ELFN2: variants seen among roughly 807,000 people sequenced by gnomAD.
ELFN2 encodes the protein protein phosphatase 1 regulatory subunit 29.
A neutral mutation model predicts 45.5 loss-of-function variants in ELFN2; 17 were observed. That is an observed-to-expected ratio of 0.37 (90% CI 0.26 to 0.56). The LOEUF is 0.56. Ranked by LOEUF, ELFN2 falls within the 20% of genes least tolerant of loss-of-function variation. The pLI is 0.77. For synonymous variants in ELFN2, 550 were observed against 551.5 expected, an observed-to-expected ratio of 1.00 and a Z score of 0.04; for missense variants, 922 against 1,183.2, an observed-to-expected ratio of 0.78 and a Z score of 3.24.
intron 2 of ELFN2, among the ~76,000 whole-genome samples, chr22:37,398,236 C>T (rs574222002): frequency 2.2e-4 from 33 of 152,200 alleles, no homozygotes; most frequent in Non-Finnish European, 4.4e-4. Context: ...ACATGGAGGG[C>T]CTCACTAAAC....
At chr22:37,363,330 G>A (rs1931130300), downstream of ELFN2, among the ~76,000 whole-genome samples, 1 of 152,204 alleles carries the variant, frequency 6.6e-6, no homozygotes, top group Admixed American at 6.5e-5. Flanking sequence ...AAAAGTAAGT[G>A]AGAAGAGAGA....
chr22:37,364,100 A>T (rs1931149327), downstream of ELFN2, among the ~76,000 whole-genome samples: 1 of 152,202 alleles, frequency 6.6e-6, no homozygotes, highest in African/African-American at 2.4e-5. Flanking sequence ...TGGATTCCCC[A>T]GCCCCACAGT....
chr22:37,405,300 C>T (rs1932472427), intron 2 of ELFN2, among the ~76,000 whole-genome samples: 1 of 152,014 alleles, frequency 6.6e-6, no homozygotes, highest in East Asian at 1.9e-4. Context: ...GCCATGTTGG[C>T]CAGGCTGGTT....
At chr22:37,389,282 G>T (rs905149359) in intron 2 of ELFN2, among the ~76,000 whole-genome samples, 2 of 152,006 alleles carry the variant, frequency 1.3e-5, no homozygotes, top group Non-Finnish European at 2.9e-5. Flanking sequence ...CCCCAGAATA[G>T]AGCTCACAAC....
At chr22:37,420,080 G>C (rs1331384354) in intron 1 of ELFN2, among the ~76,000 whole-genome samples, 6 of 152,174 alleles carry the variant, frequency 3.9e-5, no homozygotes, top group Non-Finnish European at 8.8e-5. Context: ...GGAGGCTGGC[G>C]GGGTGGGCCG....
intron 2 of ELFN2, among the ~76,000 whole-genome samples, chr22:37,409,945 C>T (rs571491796): frequency 2.0e-5 from 3 of 152,270 alleles, no homozygotes; most frequent in Admixed American, 2.0e-4. Context: ...CAGGCAGTGG[C>T]CCATTCCTTT....
In ELFN2 at chr22:37,373,729, A is replaced by T; in HGVS notation, c.1806T>A (p.Leu602=). 1 of 1,558,370 alleles carries T rather than the reference A, an allele frequency of 6.4e-7. No individual in the cohort carries two copies. The highest frequency in any genetic ancestry group is 8.6e-7 in the Non-Finnish European group (1 of 1,159,560). Residue 602 remains leucine, a synonymous_variant, in exon 3 of 3, where the codon CTT becomes CTA. Coordinates refer to ENST00000402918, the MANE Select transcript of ELFN2 (RefSeq NM_052906.5). ...GGGAGCTCTCCTTGTAGGGAGGCGA[A>T]AGGAAGCTGGGCCGCTCCAGGGCCC... ...GPGALERPSF[L]SPPYKESSHH... is the part of the protein sequence containing the mutation.
Position 37,374,799 on chromosome 22 carries a change from G to A in ELFN2, c.736C>T (p.Arg246Trp), listed in dbSNP as rs568588590. The A allele has an allele frequency of 5.2e-5, 84 of 1,607,334 alleles. No individual in the cohort carries two copies. Among genetic ancestry groups the A allele is most frequent in the South Asian group, 1.2e-4 (11 of 91,040 alleles). The change falls in exon 3 of 3, where the codon CGG (arginine) becomes TGG (tryptophan). Residue 246 changes from arginine to tryptophan, a missense_variant. Physicochemically the swap from Arg to Trp is moderately radical, Grantham distance 101 (BLOSUM62 -3). This residue lies in a region of ELFN2 where 358 missense variants were observed against 540.4 expected (regional missense o/e 0.66). Coordinates refer to ENST00000402918, the MANE Select transcript of ELFN2 (RefSeq NM_052906.5). ...NAITVLQAKC[R>W]NGSLPARPVS... ...GGCCGGGCGGGCAGCGAGCCATTCCGACACTTGGCCTGGAGTACGGTGATG... is the reference window on the plus strand; with the variant it reads ...GGCCGGGCGGGCAGCGAGCCATTCCAACACTTGGCCTGGAGTACGGTGATG...
rs912397601 is a variant in ELFN2, at chr22:37,374,657, G to A, written c.878C>T (p.Ala293Val). 43 of 1,612,774 alleles carry A rather than the reference G, an allele frequency of 2.7e-5. No individual in the cohort carries two copies. Among genetic ancestry groups the A allele is most frequent in the East Asian group, 6.7e-5 (3 of 44,858 alleles). Residue 293 changes from alanine to valine, a missense_variant, in exon 3 of 3, where the codon GCG becomes GTG. By Grantham distance (64) the Ala-to-Val change is moderately conservative. Coordinates refer to ENST00000402918, the MANE Select transcript of ELFN2 (RefSeq NM_052906.5). ...VEPPASSTTD[A>V]SAGPAIKLHH... The stretch of plus-strand genomic sequence containing the variant: ...CAGCTTGATGGCTGGCCCTGCCGAC[G>A]CATCCGTGGTGGACGAGGCCGGCGG...
At chr22:37,378,458 G>A in intron 2 of ELFN2, among the ~76,000 whole-genome samples, 1 of 152,236 alleles carries the variant, frequency 6.6e-6, no homozygotes, top group East Asian at 1.9e-4. Flanking sequence ...GCCAAAGGAT[G>A]CGAAGAGGCT....
chr22:37,394,450 G>T (rs1234216716), intron 2 of ELFN2, among the ~76,000 whole-genome samples: 1 of 152,152 alleles, frequency 6.6e-6, no homozygotes, highest in South Asian at 2.1e-4. Context: ...CCCCTCAGGG[G>T]CCTGGCCCGG....
At chr22:37,426,033 T>TC (rs1316692784) in intron 1 of ELFN2, among the ~76,000 whole-genome samples, 1 of 151,656 alleles carries the variant, frequency 6.6e-6, no homozygotes, top group East Asian at 1.9e-4. Context: ...GCTTTCTGAC[T>TC]CCGACAGCCT....
chr22:37,357,216 T>A (rs2069221), intron 1 of ELFN2, among the ~76,000 whole-genome samples: 6 of 152,010 alleles, frequency 3.9e-5, no homozygotes, highest in Non-Finnish European at 7.4e-5. Flanking sequence ...ACCTGTCAGC[T>A]GCCTTTTTAG....
chr22:37,410,914 C>A (rs1932633516), intron 2 of ELFN2, among the ~76,000 whole-genome samples: 2 of 152,180 alleles, frequency 1.3e-5, no homozygotes, highest in Non-Finnish European at 2.9e-5. Flanking sequence ...TGACCTAGCA[C>A]CCAGAACCGG....
chr22:37,402,772 G>C (rs905602696), intron 2 of ELFN2, among the ~76,000 whole-genome samples: 1 of 152,164 alleles, frequency 6.6e-6, no homozygotes, highest in Non-Finnish European at 1.5e-5. Context: ...CCAGGGGCTC[G>C]GTGGGTCCCA....
chr22:37,375,186 T>G lies in ELFN2; in HGVS notation c.349A>C (p.Asn117His). 2 of 1,614,096 alleles carry G rather than the reference T, an allele frequency of 1.2e-6. No individual in the cohort carries two copies. Among genetic ancestry groups the G allele is most frequent in the Admixed American group, 1.7e-5 (1 of 60,016 alleles). ...CCTCGCAGCATGCCCTCCGTCAGGT[T>G]GCTGAGCTTGTTGTAGCCCAGCTGC... ...VLQLGYNKLS[N>H]LTEGMLRGMS... The change falls in exon 3 of 3, where the codon AAC becomes CAC. Residue 117 changes from asparagine (N) to histidine (H), a missense_variant. By Grantham distance (68) the Asn-to-His change is moderately conservative. This residue lies in a region of ELFN2 where 358 missense variants were observed against 540.4 expected (regional missense o/e 0.66). Transcript: ENST00000402918.
At chr22:37,390,496 G>A (rs1375872467) in intron 2 of ELFN2, among the ~76,000 whole-genome samples, 2 of 152,334 alleles carry the variant, frequency 1.3e-5, no homozygotes, top group South Asian at 4.1e-4. Flanking sequence ...GGCCCAGCGT[G>A]AGCCCCAGAG....
chr22:37,400,323 T>TG (rs1483515615), intron 2 of ELFN2, among the ~76,000 whole-genome samples: 1 of 151,932 alleles, frequency 6.6e-6, no homozygotes, highest in African/African-American at 2.4e-5. Context: ...GACACGGGCC[T>TG]GGGGGTAGCA....
intron 1 of ELFN2, among the ~76,000 whole-genome samples, chr22:37,355,376 C>G (rs1482340247): frequency 6.6e-6 from 1 of 152,250 alleles, no homozygotes; most frequent in Non-Finnish European, 1.5e-5. Flanking sequence ...CGGGCCCTCC[C>G]TGATGTCTCA....
Sources: gnomAD v4.1 joint callset for allele counts (sites outside exome capture counted in the v4.1 genomes callset) on GRCh38, gnomAD v4.1.1 for gene constraint, gnomAD v4.1.1 regional missense constraint, MANE v1.5 for transcripts, NCBI Gene and HGNC (gene_info 2026-07-23, HGNC 2026-07-21) for gene names.